PTPN13: variants seen among roughly 807,000 people sequenced by gnomAD.
PTPN13 encodes the protein tyrosine-protein phosphatase non-receptor type 13.
PTPN13 carries 191 observed loss-of-function variants against 284.0 expected under a neutral mutation model. That is an observed-to-expected ratio of 0.67 (90% CI 0.60 to 0.76). The LOEUF (loss-of-function observed/expected upper bound fraction) is 0.76, where lower values mean the gene tolerates loss of function less well. Among genes scored for constraint, PTPN13 ranks in the 30% least tolerant of loss-of-function variants. PTPN13 has a pLI of 0.00. For missense variants in PTPN13, 2,797 were observed against 2,939.9 expected, an observed-to-expected ratio of 0.95 and a Z score of 1.12; for synonymous variants, 986 against 1,022.3, an observed-to-expected ratio of 0.96 and a Z score of 0.68.
intron 5 of PTPN13, among the ~76,000 whole-genome samples, chr4:86,692,693 GCTATTAAA>G (rs1730154443): frequency 6.6e-6 from 1 of 152,108 alleles, no homozygotes; most frequent in Non-Finnish European, 1.5e-5. Context: ...CTTTGCTAAA[GCTATTAAA>G]CTTTAAGATT....
chr4:86,772,242 A>G (rs12509560), intron 31 of PTPN13, among the ~76,000 whole-genome samples: 15,201 of 152,222 alleles, frequency 0.1, 883 homozygotes, highest in Non-Finnish European at 0.11. Context: ...GACTTTATGC[A>G]GCTTAAAGAG....
chr4:86,623,420 T>C (rs1721479580), intron 1 of PTPN13, among the ~76,000 whole-genome samples: 1 of 152,170 alleles, frequency 6.6e-6, no homozygotes, highest in African/African-American at 2.4e-5. Context: ...AATAATGCTT[T>C]ACCAGGTTTC....
chr4:86,754,435 C>CT (rs755978601), intron 20 of PTPN13, among the ~76,000 whole-genome samples: 6 of 152,094 alleles, frequency 3.9e-5, no homozygotes, highest in Non-Finnish European at 8.8e-5. Flanking sequence ...GTTCTAAGCA[C>CT]TTTTTATTAT....
intron 1 of PTPN13, chr4:86,595,853 G>T (rs997009372): frequency 1.5e-6 from 1 of 681,578 alleles, no homozygotes; most frequent in Non-Finnish European, 1.8e-6. Flanking sequence ...GATGGGGGGG[G>T]GAGTAAAAGT....
At chr4:86,733,341 G>A (rs1735144623) in intron 12 of PTPN13, among the ~76,000 whole-genome samples, 1 of 151,798 alleles carries the variant, frequency 6.6e-6, no homozygotes, top group Non-Finnish European at 1.5e-5. Context: ...AAACTTTTTG[G>A]AATTCATCTC....
chr4:86,730,793 A>G lies in PTPN13; in HGVS notation c.1609-1607A>G, dbSNP rs1039611315. Among the ~76,000 whole-genome samples, 26 of 151,888 alleles carry G rather than the reference A, an allele frequency of 1.7e-4. 1 individual carries two copies. Among genetic ancestry groups the G allele is most frequent in the Admixed American group, 1.5e-3 (23 of 15,234 alleles). The stretch of plus-strand genomic sequence containing the variant: ...GTGATGCCCCGTCCGGCTTCAGCTC[A>G]TCCTCCGATTGCTGCACCCACTGTC... On this transcript the variant is annotated intron_variant, in intron 10 of 47. Transcript: ENST00000411767.
At chr4:86,758,393 T>A in intron 21 of PTPN13, 44 bp downstream of exon 21, 1 of 1,477,222 alleles carries the variant, frequency 6.8e-7, no homozygotes. Flanking sequence ...TTGTTGGGGA[T>A]TCAGAGGAAA....
intron 3 of PTPN13, among the ~76,000 whole-genome samples, chr4:86,684,663 C>A (rs898791805): frequency 3.3e-5 from 5 of 151,970 alleles, no homozygotes; most frequent in Non-Finnish European, 5.9e-5. Context: ...TTACATATAT[C>A]TGACTAATTT....
chr4:86,746,752 C>T (rs1013710062), intron 17 of PTPN13, among the ~76,000 whole-genome samples: 1 of 152,124 alleles, frequency 6.6e-6, no homozygotes, highest in South Asian at 2.1e-4. Flanking sequence ...CCTGCCTCAG[C>T]CTCCAGACTA....
intron 20 of PTPN13, among the ~76,000 whole-genome samples, chr4:86,756,302 G>A (rs1027682163): frequency 1.3e-5 from 2 of 151,698 alleles, no homozygotes; most frequent in African/African-American, 4.8e-5. Context: ...GTTTTGTTCT[G>A]TGTTGTTTTG....
At chr4:86,656,872 C>T (rs1010072411) in intron 2 of PTPN13, among the ~76,000 whole-genome samples, 13 of 152,228 alleles carry the variant, frequency 8.5e-5, no homozygotes, top group African/African-American at 3.1e-4. Flanking sequence ...GTGGGCTCCA[C>T]TCAGTTCGAG....
chr4:86,693,070 T>TGAAAAA (rs1730202322), intron 5 of PTPN13, among the ~76,000 whole-genome samples: 1 of 79,498 alleles, frequency 1.3e-5, no homozygotes, highest in Non-Finnish European at 2.9e-5. Context: ...TCCGTTATAT[T>TGAAAAA]TAAAAAAAAA....
intron 7 of PTPN13, among the ~76,000 whole-genome samples, chr4:86,710,024 G>C (rs1160256727): frequency 6.6e-6 from 1 of 152,102 alleles, no homozygotes; most frequent in Non-Finnish European, 1.5e-5. Flanking sequence ...TTGCAATGTG[G>C]TGTAATATGG....
Position 86,771,460 on chromosome 4 carries a change from A to G in PTPN13, c.5093A>G (p.Lys1698Arg), listed in dbSNP as rs1391984878. The G allele has an allele frequency of 6.4e-6, 10 of 1,564,844 alleles. No individual in the cohort carries two copies. Among genetic ancestry groups the G allele is most frequent in the Non-Finnish European group, 8.7e-6 (10 of 1,153,026 alleles). Residue 1698 changes from lysine (K) to arginine (R), a missense_variant, in exon 31 of 48, where the codon AAG becomes AGG. Coordinates refer to ENST00000411767, the MANE Select transcript of PTPN13 (RefSeq NM_080683.3). ...GCACAGAGTCATCATGAAGCACCCA[A>G]GAGTCAAGAAGATACCATTTGTACC... The part of the protein sequence containing the change: ...SQAQSHHEAP[K>R]SQEDTICTMF...
chr4:86,632,736 G>T (rs1424070576), intron 1 of PTPN13, among the ~76,000 whole-genome samples: 1 of 151,200 alleles, frequency 6.6e-6, no homozygotes, highest in Admixed American at 6.6e-5. Context: ...TACTTCAGGT[G>T]GAACTCTGGG....
At chr4:86,685,252 C>T (rs187717569) in intron 3 of PTPN13, among the ~76,000 whole-genome samples, 3 of 152,204 alleles carry the variant, frequency 2.0e-5, no homozygotes, top group African/African-American at 7.2e-5. Flanking sequence ...CCTTGTACTA[C>T]GCTACCCATT....
Position 86,758,319 on chromosome 4 carries a change from A to G in PTPN13, c.3283A>G (p.Asn1095Asp). ...ACCAGAAAGGGAGATCACCTTAGTG[A>G]ACCTGAAAAAAGATGCAAAGTATGG... ...SSPEREITLV[N>D]LKKDAKYGLG... The change falls in exon 21 of 48, where the codon AAC becomes GAC. Residue 1095 changes from asparagine to aspartate, a missense_variant. Physicochemically the swap from Asn to Asp is conservative, Grantham distance 23 (BLOSUM62 1). Coordinates refer to ENST00000411767, the MANE Select transcript of PTPN13 (RefSeq NM_080683.3). The G allele has an allele frequency of 1.2e-6, 2 of 1,611,774 alleles. No homozygotes were observed. Among genetic ancestry groups the G allele is most frequent in the Non-Finnish European group, 1.7e-6 (2 of 1,178,640 alleles).
intron 37 of PTPN13, among the ~76,000 whole-genome samples, chr4:86,784,249 T>TC (rs1741653723): frequency 6.6e-6 from 1 of 152,112 alleles, no homozygotes; most frequent in Non-Finnish European, 1.5e-5. Context: ...TAATGTTGTT[T>TC]CACCTAGTAT....
At chr4:86,812,631 G>A (rs767437389) in intron 47 of PTPN13, among the ~76,000 whole-genome samples, 2 of 152,126 alleles carry the variant, frequency 1.3e-5, no homozygotes, top group South Asian at 4.1e-4. Flanking sequence ...GATCTCTGGG[G>A]ACAAGAGCCT....
Sources: allele counts gnomAD v4.1 joint callset (sites outside exome capture counted in the v4.1 genomes callset), GRCh38; gene constraint gnomAD v4.1.1; transcripts MANE v1.5; gene names NCBI Gene and HGNC (gene_info 2026-07-23, HGNC 2026-07-21).